The following LIN7A variants were observed in gnomAD, a reference collection of about 807,000 sequenced individuals.
LIN7A encodes lin-7 cell polarity scaffold A, also known as protein lin-7 homolog A.
In LIN7A, 25 loss-of-function variants were observed where a neutral mutation model predicts 29.8. That is an observed-to-expected ratio of 0.84 (90% CI 0.61 to 1.17). The LOEUF is 1.17. LIN7A is among the 50% of genes most tolerant of loss of function. The probability of loss-of-function intolerance (pLI) is 0.00; values close to 1 mark genes in which losing one functional copy is unlikely to be tolerated. For synonymous variants in LIN7A, 118 were observed against 107.5 expected (o/e 1.10, Z -0.60); for missense variants, 239 against 287.0 (o/e 0.83, Z 1.21).
intron 2 of LIN7A, among the ~76,000 whole-genome samples, chr12:80,878,551 A>T (rs532901046): frequency 2.6e-4 from 40 of 152,200 alleles, no homozygotes; most frequent in Admixed American, 6.5e-5. Context: ...AAGAGTGAGC[A>T]GCAGCAAGAT....
At chr12:80,865,493 TAGCTGTGAGAAATCA>T (rs1182533775) in intron 2 of LIN7A, among the ~76,000 whole-genome samples, 3 of 152,144 alleles carry the variant, frequency 2.0e-5, no homozygotes, top group African/African-American at 7.2e-5. Context: ...AGATTAACAA[TAGCTGTGAGAAATCA>T]AGGAGGTCTT....
In LIN7A at chr12:80,848,772, C is replaced by T. The variant is rs566261025; in HGVS notation, c.202-450G>A. ...TTGCATAATGCATAGCAATAAAAGT[C>T]CATTTGGTACTAGGCTAGAGTATTT... On this transcript the variant is annotated intron_variant, in intron 2 of 5. Transcript: ENST00000552864. Among the ~76,000 whole-genome samples, 3 of 152,128 alleles carry T rather than the reference C, an allele frequency of 2.0e-5. No individual in the cohort carries two copies. The East Asian group carries it at 5.8e-4, about 29-fold the overall frequency.
rs1430949470 is a variant in LIN7A at position 80,905,266 on chromosome 12, T to C, written c.83-15897A>G. On this transcript the variant is annotated intron_variant, in intron 1 of 5. Coordinates refer to ENST00000552864, the MANE Select transcript of LIN7A (RefSeq NM_004664.4). ...GTGCAGTGGCGTGATCTCAGCTCAC[T>C]GCAACCTCCGCCTCCCACGTTCAAG... Among the ~76,000 whole-genome samples, 5 of 152,142 alleles carry C rather than the reference T, an allele frequency of 3.3e-5. No homozygotes were observed. In the East Asian group the frequency reaches 9.6e-4, roughly 29 times the overall value.
intron 2 of LIN7A, among the ~76,000 whole-genome samples, chr12:80,883,631 T>C (rs1875182148): frequency 6.6e-6 from 1 of 152,210 alleles, no homozygotes. Flanking sequence ...AATCCATTGA[T>C]TGTGTAATTA....
At chr12:80,843,482 A>T (rs926158857) in intron 4 of LIN7A, among the ~76,000 whole-genome samples, 8 of 152,190 alleles carry the variant, frequency 5.3e-5, no homozygotes, top group Admixed American at 5.2e-4. Context: ...CTTCTTGCTA[A>T]TTAACGTTTG....
At chr12:80,862,840 A>C (rs1048423812) in intron 2 of LIN7A, among the ~76,000 whole-genome samples, 2 of 152,192 alleles carry the variant, frequency 1.3e-5, no homozygotes, top group Non-Finnish European at 2.9e-5. Flanking sequence ...GAGTGCATAC[A>C]TTAGATGACT....
chr12:80,904,503 T>A (rs892709725), intron 1 of LIN7A, among the ~76,000 whole-genome samples: 3 of 152,216 alleles, frequency 2.0e-5, no homozygotes, highest in Admixed American at 6.5e-5. Context: ...ATGAGATGAA[T>A]TTTATTATAC....
At chr12:80,901,987 T>A (rs1321626639) in intron 1 of LIN7A, among the ~76,000 whole-genome samples, 1 of 152,050 alleles carries the variant, frequency 6.6e-6, no homozygotes, top group East Asian at 1.9e-4. Context: ...GAGAACATTA[T>A]CACTACAGGG....
intron 1 of LIN7A, among the ~76,000 whole-genome samples, chr12:80,931,657 A>G (rs1565934623): frequency 6.8e-6 from 1 of 147,036 alleles, no homozygotes; most frequent in Non-Finnish European, 1.5e-5. Flanking sequence ...AAAAAAAAAA[A>G]TGGAAAACTC....
chr12:80,881,197 C>T (rs1875012767), intron 2 of LIN7A, among the ~76,000 whole-genome samples: 1 of 152,136 alleles, frequency 6.6e-6, no homozygotes, highest in African/African-American at 2.4e-5. Context: ...TTTCAGGATG[C>T]TCAGAAATAA....
chr12:80,814,728 C>G (rs907587650), intron 4 of LIN7A, among the ~76,000 whole-genome samples: 1 of 152,168 alleles, frequency 6.6e-6, no homozygotes, highest in Non-Finnish European at 1.5e-5. Context: ...GCTCTGCCCT[C>G]TCCCACACAG....
In LIN7A at chr12:80,862,639, C is replaced by T. The variant is rs148310452; in HGVS notation, c.202-14317G>A. ...TCTCTCTAAGGCACATCATCAACTT[C>T]GTGTACTGACAAACAGTAGATAGCA... On this transcript the variant is annotated intron_variant, in intron 2 of 5. Coordinates refer to ENST00000552864, the MANE Select transcript of LIN7A (RefSeq NM_004664.4). Among the ~76,000 whole-genome samples the T allele has an allele frequency of 5.7e-3, 870 of 152,280 alleles. 5 individuals are homozygous for T. Among genetic ancestry groups the T allele is most frequent in the Admixed American group, 8.8e-3 (135 of 15,296 alleles).
At chr12:80,860,523 G>A (rs905194171) in intron 2 of LIN7A, among the ~76,000 whole-genome samples, 1 of 152,198 alleles carries the variant, frequency 6.6e-6, no homozygotes, top group African/African-American at 2.4e-5. Flanking sequence ...TTCTGATAGA[G>A]ATCACTTTCC....
intron 1 of LIN7A, among the ~76,000 whole-genome samples, chr12:80,910,571 G>A (rs1876700600): frequency 6.6e-6 from 1 of 152,138 alleles, no homozygotes; most frequent in Middle Eastern, 3.4e-3. Flanking sequence ...ACTTTGCTAG[G>A]TGTTTTAAAA....
intron 3 of LIN7A, among the ~76,000 whole-genome samples, chr12:80,846,803 C>T (rs1193084076): frequency 1.3e-5 from 2 of 152,056 alleles, no homozygotes; most frequent in African/African-American, 2.4e-5. Flanking sequence ...CCATTAGTTC[C>T]CACTAACCCC....
chr12:80,877,120 T>C (rs1441384004), intron 2 of LIN7A, among the ~76,000 whole-genome samples: 1 of 28,554 alleles, frequency 3.5e-5, no homozygotes, highest in Non-Finnish European at 2.3e-4. Context: ...AGACTCTGTC[T>C]CAAAAAAAAA....
At chr12:80,890,877 A>T (rs1354564622) in intron 1 of LIN7A, among the ~76,000 whole-genome samples, 1 of 152,118 alleles carries the variant, frequency 6.6e-6, no homozygotes, top group African/African-American at 2.4e-5. Flanking sequence ...AGCCTAGGAG[A>T]CAGAGTGAGA....
In LIN7A at chr12:80,899,765, C is replaced by CTTTTTTTTTTTTTTTTTTTTTTTT. The variant is rs760389788; in HGVS notation, c.83-10397_83-10396insAAAAAAAAAAAAAAAAAAAAAAAA. Among the ~76,000 whole-genome samples, 9 of 109,990 alleles carry CTTTTTTTTTTTTTTTTTTTTTTTT rather than the reference C, an allele frequency of 8.2e-5. 3 individuals carry two copies. The highest frequency in any genetic ancestry group is 1.2e-4 in the Non-Finnish European group (6 of 51,268). The allele number at this position is 109,990 out of a possible 152,430, so 72.2% of individuals were successfully genotyped here. A position where few individuals can be genotyped will look rare whatever the true frequency, so the allele number is the denominator to read the frequency against. On this transcript the variant is annotated intron_variant, in intron 1 of 5. Transcript: ENST00000552864. ...CATTTCCTCTAGGTTTTCTTTTTTT[C>CTTTTTTTTTTTTTTTTTTTTTTTT]TTTTCTTTTTTTTTTTTTTTTGAGA... is the stretch of plus-strand genomic sequence containing the variant.
rs557576577 is a variant in LIN7A at position 80,859,938 on chromosome 12, A to G, written c.202-11616T>C. Among the ~76,000 whole-genome samples the G allele has an allele frequency of 3.9e-5, 6 of 152,260 alleles. No homozygotes were observed. The South Asian group carries it at 1.2e-3, about 32-fold the overall frequency. ...ATATTTTGTTTTCTTTATTTTTTAC[A>G]CTATTTGGAAATTATGACATGTGAG... is the stretch of plus-strand genomic sequence containing the variant. On this transcript the variant is annotated intron_variant, in intron 2 of 5. Transcript: ENST00000552864.
Sources: allele counts gnomAD v4.1 joint callset (sites outside exome capture counted in the v4.1 genomes callset), GRCh38; gene constraint gnomAD v4.1.1; transcripts MANE v1.5; gene names NCBI Gene and HGNC (gene_info 2026-07-23, HGNC 2026-07-21).